Variants in THSD4 observed in about 807,000 individuals in gnomAD.
THSD4 encodes the protein thrombospondin type-1 domain-containing protein 4.
Under a neutral mutation model 119.0 loss-of-function variants are expected in THSD4, and 69 were observed. The observed-to-expected ratio is 0.58, with a 90% confidence interval of 0.48 to 0.71. The LOEUF (loss-of-function observed/expected upper bound fraction) is 0.71. THSD4 is among the 30% of genes least tolerant of loss of function. The pLI, the probability that THSD4 is intolerant of heterozygous loss-of-function variation, is 0.00. For missense variants in THSD4, 1,393 were observed against 1,391.1 expected (o/e 1.00, Z -0.02); for synonymous variants, 524 against 540.4 (o/e 0.97, Z 0.42).
chr15:71,319,296 G>A (rs1382725652), intron 6 of THSD4, among the ~76,000 whole-genome samples: 1 of 151,858 alleles, frequency 6.6e-6, no homozygotes, highest in Non-Finnish European at 1.5e-5. Context: ...CAACGTGCAG[G>A]TTTGTTACAT....
chr15:71,577,177 C>T (rs890121518), intron 7 of THSD4, among the ~76,000 whole-genome samples: 1 of 151,246 alleles, frequency 6.6e-6, no homozygotes, highest in Admixed American at 6.6e-5. Context: ...GACTGTAATT[C>T]CTTTTGTGGA....
intron 7 of THSD4, among the ~76,000 whole-genome samples, chr15:71,615,733 G>A (rs34692440): frequency 0.094 from 14,382 of 152,224 alleles, 854 homozygotes; most frequent in Middle Eastern, 0.17. Flanking sequence ...GAGAAAGGGT[G>A]TAAACAACAG....
chr15:71,556,471 C>T (rs2049018371), intron 7 of THSD4, among the ~76,000 whole-genome samples: 1 of 151,908 alleles, frequency 6.6e-6, no homozygotes, highest in Non-Finnish European at 1.5e-5. Flanking sequence ...GATCATCTGG[C>T]CATGGTGGCT....
intron 6 of THSD4, among the ~76,000 whole-genome samples, chr15:71,405,465 T>C (rs1284535308): frequency 6.6e-6 from 1 of 152,228 alleles, no homozygotes; most frequent in Non-Finnish European, 1.5e-5. Context: ...CCCTAATGAA[T>C]TGTCTTGGCA....
intron 6 of THSD4, among the ~76,000 whole-genome samples, chr15:71,398,143 G>C (rs1486692699): frequency 6.6e-6 from 1 of 152,190 alleles, no homozygotes; most frequent in Non-Finnish European, 1.5e-5. Context: ...GGCTATGACA[G>C]AGGAAGCTTC....
intron 6 of THSD4, among the ~76,000 whole-genome samples, chr15:71,404,120 T>A (rs970760902): frequency 1.3e-5 from 2 of 152,232 alleles, no homozygotes; most frequent in Non-Finnish European, 2.9e-5. Flanking sequence ...AATTCATATA[T>A]GATAAAAGTC....
At chr15:71,412,013 G>A (rs2046696721) in intron 7 of THSD4, among the ~76,000 whole-genome samples, 190 bp downstream of exon 7, 1 of 152,190 alleles carries the variant, frequency 6.6e-6, no homozygotes, top group Non-Finnish European at 1.5e-5. Context: ...TTTGATCTTT[G>A]GGCGTCACCA....
intron 7 of THSD4, among the ~76,000 whole-genome samples, chr15:71,424,139 G>A (rs1419809774): frequency 1.3e-5 from 2 of 152,140 alleles, no homozygotes; most frequent in Non-Finnish European, 2.9e-5. Context: ...ACCAGGTTAT[G>A]TGATCGCCCA....
At chr15:71,660,777 A>G in intron 8 of THSD4, 43 bp downstream of exon 8, 1 of 1,607,530 alleles carries the variant, frequency 6.2e-7, no homozygotes, top group Non-Finnish European at 8.5e-7. Flanking sequence ...TGTCCCTGCC[A>G]GATGATGTAT....
intron 4 of THSD4, among the ~76,000 whole-genome samples, chr15:71,235,902 C>T (rs1268234616): frequency 6.6e-6 from 1 of 152,160 alleles, no homozygotes; most frequent in Non-Finnish European, 1.5e-5. Flanking sequence ...AATGCCACCG[C>T]TCTTAATGCT....
intron 7 of THSD4, among the ~76,000 whole-genome samples, chr15:71,568,274 A>G (rs535080024): frequency 1.3e-5 from 2 of 152,296 alleles, no homozygotes; most frequent in South Asian, 2.1e-4. Flanking sequence ...AGAACTGCAA[A>G]TAAAGCAAAA....
chr15:71,200,384 A>T (rs977421040), intron 3 of THSD4, among the ~76,000 whole-genome samples: 5 of 152,086 alleles, frequency 3.3e-5, no homozygotes, highest in African/African-American at 1.2e-4. Context: ...TAATGTTGGC[A>T]CTGGATCCTG....
At chr15:71,219,958 G>A (rs2043961943) in intron 4 of THSD4, among the ~76,000 whole-genome samples, 1 of 152,174 alleles carries the variant, frequency 6.6e-6, no homozygotes, top group Non-Finnish European at 1.5e-5. Flanking sequence ...TGGGCTGTCT[G>A]AGCTGTGTCT....
At chr15:71,561,933 C>A (rs2049128387) in intron 7 of THSD4, among the ~76,000 whole-genome samples, 1 of 36,646 alleles carries the variant, frequency 2.7e-5, no homozygotes, top group Non-Finnish European at 5.2e-5. Flanking sequence ...CACTCACTCA[C>A]TCTCTCTCTT....
chr15:71,379,737 C>T (rs1326727378), intron 6 of THSD4, among the ~76,000 whole-genome samples: 2 of 151,870 alleles, frequency 1.3e-5, no homozygotes, highest in African/African-American at 2.4e-5. Flanking sequence ...GGATTACAGG[C>T]GTGAGCCACC....
At chr15:71,538,391 G>T (rs553771872) in intron 7 of THSD4, among the ~76,000 whole-genome samples, 1 of 152,218 alleles carries the variant, frequency 6.6e-6, no homozygotes, top group African/African-American at 2.4e-5. Context: ...GATTGCACAC[G>T]AAATCCCTCT....
Position 71,215,096 on chromosome 15 carries a change from G to T in THSD4, c.161G>T (p.Gly54Val). 7.6e-7 allele frequency: 1 copy of T among 1,322,652 alleles called. No individual in the cohort carries two copies. 81.9% of individuals were successfully genotyped at this position (1,322,652 alleles called of 1,614,324 possible). The change falls in exon 4 of 18, where the codon GGA becomes GTA. Residue 54 changes from glycine (G) to valine (V), a missense_variant. By Grantham distance (109) the Gly-to-Val change is moderately radical. Transcript: ENST00000261862. ...GACGACGGCGGCGGCGGCGCCCCGGGAGTGTGGGGCGCCTGGGGCCCCTGG... is the reference window on the plus strand; with the variant it reads ...GACGACGGCGGCGGCGGCGCCCCGGTAGTGTGGGGCGCCTGGGGCCCCTGG... ...PEDDGGGGAP[G>V]VWGAWGPWSA...
chr15:71,438,639 C>T (rs1296489872), intron 7 of THSD4, among the ~76,000 whole-genome samples: 3 of 152,180 alleles, frequency 2.0e-5, no homozygotes, highest in Non-Finnish European at 4.4e-5. Context: ...ACCTTGCCCC[C>T]ACTATTTTGA....
At chr15:71,311,159 A>G (rs8025845) in intron 6 of THSD4, among the ~76,000 whole-genome samples, 141,417 of 152,198 alleles carry the variant, frequency 0.93, 66,594 homozygotes, top group East Asian at 1. Context: ...CAAAGTTCTA[A>G]CCATCGTATT....
Sources: gnomAD v4.1 joint callset for allele counts (sites outside exome capture counted in the v4.1 genomes callset) on GRCh38, gnomAD v4.1.1 for gene constraint, MANE v1.5 for transcripts, NCBI Gene and HGNC (gene_info 2026-07-23, HGNC 2026-07-21) for gene names.